The following ACSF3 variants were observed in gnomAD, a reference collection of about 807,000 sequenced individuals.
ACSF3 encodes the protein acyl-CoA synthetase family member 3, also known as malonate--CoA ligase ACSF3, mitochondrial.
Under a neutral mutation model 53.2 loss-of-function variants are expected in ACSF3, and 78 were observed. That is an observed-to-expected ratio of 1.47 (90% CI 1.22 to 1.77). The LOEUF is 1.77. Among genes scored for constraint, ACSF3 ranks in the 40% most tolerant of loss-of-function variants. The probability of loss-of-function intolerance (pLI) is 0.00; values close to 1 mark genes in which losing one functional copy is unlikely to be tolerated. For synonymous variants in ACSF3, 414 were observed against 333.1 expected (o/e 1.24, Z -2.65); for missense variants, 937 against 771.1 (o/e 1.22, Z -2.55).
chr16:89,120,703 C>T, intron 6 of ACSF3, 98 bp from the exon 7 acceptor site: 8 of 1,190,656 alleles, frequency 6.7e-6, no homozygotes, highest in Non-Finnish European at 7.5e-6. Flanking sequence ...CCGCACGTGG[C>T]ACACGGGAGC....
chr16:89,148,105 T>G (rs1348151399), intron 10 of ACSF3: 1 of 146,958 alleles, frequency 6.8e-6, no homozygotes. Flanking sequence ...TTTTTGGTTT[T>G]TTTTTTTTTT....
chr16:89,099,778 T>C (rs1975053857), intron 2 of ACSF3, among the ~76,000 whole-genome samples: 1 of 150,492 alleles, frequency 6.6e-6, no homozygotes, highest in African/African-American at 2.5e-5. Context: ...CAAGACTGCA[T>C]CTTAGATAGA....
chr16:89,137,742 A>G (rs1910918144), intron 8 of ACSF3, among the ~76,000 whole-genome samples: 2 of 152,158 alleles, frequency 1.3e-5, no homozygotes, highest in African/African-American at 2.4e-5. Flanking sequence ...GAACCCCCAG[A>G]CTGAGAAATT....
intron 8 of ACSF3, among the ~76,000 whole-genome samples, chr16:89,138,110 G>A (rs1000489706): frequency 2.6e-5 from 4 of 152,260 alleles, no homozygotes; most frequent in East Asian, 1.9e-4. Context: ...TCCCTGTGGC[G>A]CCAGAGCTCC....
In ACSF3 at chr16:89,112,142, G is replaced by T; in HGVS notation, c.873G>T (p.Met291Ile). ...AAACGCCGCGGATCAATGTCTTTAT[G>T]GCAGTGCCTACAATATACACCAAGC... ...SSETPRINVF[M>I]AVPTIYTKLM... The change falls in exon 5 of 11, where the codon ATG (methionine) becomes ATT (isoleucine). Residue 291 changes from methionine to isoleucine, a missense_variant. By Grantham distance (10) the Met-to-Ile change is conservative. Coordinates refer to ENST00000614302, the MANE Select transcript of ACSF3 (RefSeq NM_001243279.3). 8.9e-7 allele frequency: 1 copy of T among 1,128,628 alleles called. No individual in the cohort carries two copies. The highest frequency in any genetic ancestry group is 1.1e-6 in the Non-Finnish European group (1 of 907,580). 69.9% of individuals were successfully genotyped at this position (1,128,628 alleles called of 1,614,324 possible). A position where few individuals can be genotyped will look rare whatever the true frequency, so the allele number is the denominator to read the frequency against.
chr16:89,142,683 C>A (rs1296771318), intron 8 of ACSF3, among the ~76,000 whole-genome samples: 8 of 147,432 alleles, frequency 5.4e-5, no homozygotes, highest in African/African-American at 2.0e-4. Flanking sequence ...GCAGAGACAC[C>A]CTCACCTGCA....
chr16:89,095,212 A>G (rs1974472194), intron 1 of ACSF3: 1 of 152,212 alleles, frequency 6.6e-6, no homozygotes, highest in South Asian at 2.1e-4. Flanking sequence ...AGGACATAAG[A>G]TGAGGCTTCC....
intron 7 of ACSF3, among the ~76,000 whole-genome samples, chr16:89,121,952 G>A (rs1370967202): frequency 6.6e-6 from 1 of 152,182 alleles, no homozygotes; most frequent in Non-Finnish European, 1.5e-5. Flanking sequence ...CGCACCTTGT[G>A]TGGAGGGCCA....
intron 1 of ACSF3, among the ~76,000 whole-genome samples, chr16:89,096,187 C>T (rs958608556): frequency 2.6e-5 from 4 of 152,008 alleles, no homozygotes; most frequent in Non-Finnish European, 5.9e-5. Flanking sequence ...GTGGTGACGC[C>T]GCTGACCTCG....
At position 89,145,994 on chromosome 16, in the gene ACSF3, G is replaced by A; in HGVS notation, c.1558G>A (p.Val520Met). 1 of 1,612,070 alleles carries A rather than the reference G, an allele frequency of 6.2e-7. No individual in the cohort carries two copies. The highest frequency in any genetic ancestry group is 8.5e-7 in the Non-Finnish European group (1 of 1,178,788). ...MTWGQRVTAV[V>M]TLREGHSLSH... ...ATGGGGCCAGCGGGTCACTGCTGTG[G>A]TGACCCTCCGAGAAGGACACTCACT... The change falls in exon 10 of 11, where the codon GTG becomes ATG. Residue 520 changes from valine (V) to methionine (M), a missense_variant. Physicochemically the swap from Val to Met is conservative, Grantham distance 21. Coordinates refer to ENST00000614302, the MANE Select transcript of ACSF3 (RefSeq NM_001243279.3).
Position 89,145,283 on chromosome 16 carries a change from T to C in ACSF3, c.1383T>C (p.Phe461=). Reference sequence around the variant, plus strand: ...TTTCCTCAGGGGACACCGTGGTGTTTAAGGATGGCCAGTACTGGATCCGAG... The same window carrying C: ...TTTCCTCAGGGGACACCGTGGTGTTCAAGGATGGCCAGTACTGGATCCGAG... ...GWFKTGDTVV[F]KDGQYWIRGR... is the part of the protein sequence containing the mutation. Residue 461 remains phenylalanine (F), a synonymous_variant, in exon 9 of 11, where the codon TTT becomes TTC. Coordinates refer to ENST00000614302, the MANE Select transcript of ACSF3 (RefSeq NM_001243279.3). 1 of 1,614,014 alleles carries C rather than the reference T, an allele frequency of 6.2e-7. No individual in the cohort carries two copies.
chr16:89,143,563 T>A (rs934641117), intron 8 of ACSF3, among the ~76,000 whole-genome samples: 5 of 152,118 alleles, frequency 3.3e-5, no homozygotes, highest in African/African-American at 1.2e-4. Context: ...TTGGTGGCTG[T>A]CTGGTCCAGA....
Position 89,100,924 on chromosome 16 carries a change from G to A in ACSF3, c.243G>A (p.Glu81=). ...CCCGCAGCCTTCGCCTGTCCCAGGAGATCTGCAGGCTCTGCGGGTGTGTCG... is the reference window on the plus strand; with the variant it reads ...CCCGCAGCCTTCGCCTGTCCCAGGAAATCTGCAGGCTCTGCGGGTGTGTCG... ...LYSRSLRLSQ[E]ICRLCGCVGG... is the part of the protein sequence containing the mutation. Residue 81 remains glutamate, a synonymous_variant, in exon 3 of 11, where the codon GAG becomes GAA. Transcript: ENST00000614302. 2 of 1,613,888 alleles carry A rather than the reference G, an allele frequency of 1.2e-6. No homozygotes were observed. Among genetic ancestry groups the A allele is most frequent in the Admixed American group, 1.7e-5 (1 of 60,034 alleles).
chr16:89,112,196 C>A lies in ACSF3; in HGVS notation c.927C>A (p.Thr309=). The change falls in exon 5 of 11, where the codon ACC becomes ACA. Residue 309 remains threonine (T), a synonymous_variant. Coordinates refer to ENST00000614302, the MANE Select transcript of ACSF3 (RefSeq NM_001243279.3). ...TGGAGTACTACGACAGGCATTTTAC[C>A]CAGCCGCACGCCCAGGATTTCTTGC... ...KLMEYYDRHF[T]QPHAQDFLRA... 1 of 1,512,494 alleles carries A rather than the reference C, an allele frequency of 6.6e-7. No homozygotes were observed. The highest frequency in any genetic ancestry group is 8.9e-7 in the Non-Finnish European group (1 of 1,122,132). The allele number at this position is 1,512,494 out of a possible 1,614,324, so 93.7% of individuals were successfully genotyped here.
At position 89,154,082 on chromosome 16, in the gene ACSF3, C is replaced by T. The variant is rs375091095; in HGVS notation, c.1614-8C>T. 7 of 1,611,988 alleles carry T rather than the reference C, an allele frequency of 4.3e-6. No individual in the cohort carries two copies. In the African/African-American group the frequency reaches 9.3e-5, roughly 22 times the overall value. On this transcript the variant is annotated splice_polypyrimidine_tract_variant and splice_region_variant and intron_variant, in intron 10 of 10. Transcript: ENST00000614302. ...GCAGTGCGCCTCAGGCTGTGCTTGT[C>T]TCTGCAGAAATGTCCTGGCCCCGTA...
At position 89,118,525 on chromosome 16, in the gene ACSF3, CT is replaced by C. The variant is rs557929743; in HGVS notation, c.1127-2274del. Among the ~76,000 whole-genome samples the C allele has an allele frequency of 1.1e-3, 168 of 151,638 alleles. 2 individuals carry two copies. The highest frequency in any genetic ancestry group is 3.7e-3 in the African/African-American group (154 of 41,324). Reference sequence around the variant, plus strand: ...TCCAGCCACAGGCTCTGAGCTCATGCTTGGCCTCGCTGCTCAGTGCACTGTC... The same window carrying C: ...TCCAGCCACAGGCTCTGAGCTCATGCTGGCCTCGCTGCTCAGTGCACTGTC... On this transcript the variant is annotated intron_variant, in intron 6 of 10. Transcript: ENST00000614302.
At chr16:89,151,214 G>A (rs1914028962) in intron 10 of ACSF3, 2 of 471,928 alleles carry the variant, frequency 4.2e-6, no homozygotes, top group African/African-American at 4.0e-5. Context: ...TGCCAAGACT[G>A]ACGCAAACAC....
intron 7 of ACSF3, among the ~76,000 whole-genome samples, chr16:89,128,387 A>G (rs1567722030): frequency 6.6e-6 from 1 of 151,624 alleles, no homozygotes; most frequent in Non-Finnish European, 1.5e-5. Flanking sequence ...CAGCCTCCTG[A>G]GTAGCTGGGA....
intron 4 of ACSF3, among the ~76,000 whole-genome samples, chr16:89,106,312 A>T (rs1327861953): frequency 1.6e-5 from 2 of 124,692 alleles, no homozygotes; most frequent in African/African-American, 6.0e-5. Context: ...TTTTTTTTTG[A>T]GATGGAGTCT....
Sources: gnomAD v4.1 joint callset for allele counts (sites outside exome capture counted in the v4.1 genomes callset) on GRCh38, gnomAD v4.1.1 for gene constraint, MANE v1.5 for transcripts, NCBI Gene and HGNC (gene_info 2026-07-23, HGNC 2026-07-21) for gene names.